Variants in CACNA1C observed in about 807,000 individuals in gnomAD.
CACNA1C encodes calcium voltage-gated channel subunit alpha1 C.
A neutral mutation model predicts 229.0 loss-of-function variants in CACNA1C; 30 were observed. That is an observed-to-expected ratio of 0.13 (90% confidence interval 0.10 to 0.18). The LOEUF (loss-of-function observed/expected upper bound fraction) is 0.18, where lower values mean the gene tolerates loss of function less well. Among genes scored for constraint, CACNA1C ranks in the 10% least tolerant of loss-of-function variants. CACNA1C has a pLI of 1.00. For missense variants in CACNA1C, 1,658 were observed against 2,845.0 expected (o/e 0.58, Z 9.49); for synonymous variants, 1,114 against 1,132.5 (o/e 0.98, Z 0.33).
intron 30 of CACNA1C, among the ~76,000 whole-genome samples, chr12:2,640,391 CTGACT>C (rs975212351): frequency 6.6e-6 from 1 of 152,216 alleles, no homozygotes; most frequent in African/African-American, 2.4e-5. Flanking sequence ...GCGGAGCTGC[CTGACT>C]TGACTTCTCT....
chr12:2,142,075 G>A (rs1026544978), intron 3 of CACNA1C, among the ~76,000 whole-genome samples: 2 of 151,026 alleles, frequency 1.3e-5, no homozygotes, highest in African/African-American at 4.8e-5. Context: ...GGTCTGGTGG[G>A]GGACAGCCAC....
intron 9 of CACNA1C, among the ~76,000 whole-genome samples, chr12:2,530,582 G>A (rs1017904813): frequency 1.3e-5 from 2 of 152,220 alleles, no homozygotes; most frequent in African/African-American, 4.8e-5. Context: ...CTGAATGGCA[G>A]AGAGTGGGTT....
intron 7 of CACNA1C, among the ~76,000 whole-genome samples, chr12:2,502,782 TGCTGAAGCTGCAAAGCC>T (rs1487856934): frequency 2.0e-5 from 3 of 152,236 alleles, no homozygotes; most frequent in Non-Finnish European, 2.9e-5. Flanking sequence ...TGCATGTGGC[TGCTGAAGCTGCAAAGCC>T]CAAGGGCTGA....
At chr12:2,475,436 T>C (rs901774246) in intron 5 of CACNA1C, among the ~76,000 whole-genome samples, 1 of 152,158 alleles carries the variant, frequency 6.6e-6, no homozygotes, top group African/African-American at 2.4e-5. Context: ...GGAATTGAGA[T>C]ATTGGAATTG....
At chr12:2,323,614 G>A (rs1007355926) in intron 3 of CACNA1C, among the ~76,000 whole-genome samples, 3 of 152,088 alleles carry the variant, frequency 2.0e-5, no homozygotes, top group South Asian at 2.1e-4. Flanking sequence ...TGTCCCCTGC[G>A]ACCCTCAAAA....
At chr12:2,592,778 G>A (rs1055976790) in intron 18 of CACNA1C, among the ~76,000 whole-genome samples, 5 of 150,540 alleles carry the variant, frequency 3.3e-5, no homozygotes, top group African/African-American at 9.8e-5. Context: ...TTCCAAGAGT[G>A]AGGTTATTTG....
intron 3 of CACNA1C, among the ~76,000 whole-genome samples, chr12:2,154,943 C>T (rs1169242962): frequency 2.0e-5 from 3 of 152,180 alleles, no homozygotes; most frequent in Admixed American, 6.5e-5. Context: ...TCTCCGGAGC[C>T]GGCTCTGTGC....
chr12:2,113,536 C>A (rs1227166167), intron 1 of CACNA1C, among the ~76,000 whole-genome samples: 3 of 152,138 alleles, frequency 2.0e-5, no homozygotes, highest in Non-Finnish European at 2.9e-5. Flanking sequence ...TGCACATGGA[C>A]CAGAAAAGGC....
rs1355177461 is a variant in CACNA1C at position 2,348,569 on chromosome 12, CAAG to C, written c.478-100402_478-100400del. Among the ~76,000 whole-genome samples the C allele has an allele frequency of 2.0e-5, 3 of 152,146 alleles. No individual in the cohort carries two copies. Among genetic ancestry groups the C allele is most frequent in the Non-Finnish European group, 4.4e-5 (3 of 68,022 alleles). On this transcript the variant is annotated intron_variant, in intron 3 of 46. Coordinates refer to ENST00000399655, the MANE Select transcript of CACNA1C (RefSeq NM_000719.7). The surrounding 1 kb of genome is among the most constrained non-coding windows in gnomAD (Gnocchi z 4.7). ...GGGCAAGGATTTCAAGTCGTCGGCA[CAAG>C]AAGAGACACTATATTAAGGCCTGGT...
At chr12:2,690,688 C>T in intron 46 of CACNA1C, 1 of 532,306 alleles carries the variant, frequency 1.9e-6, no homozygotes, top group Non-Finnish European at 3.3e-6. Flanking sequence ...GCCAAAACTT[C>T]TCTGGCCTGC....
chr12:2,267,452 G>A (rs1031283796), intron 3 of CACNA1C, among the ~76,000 whole-genome samples: 1 of 152,148 alleles, frequency 6.6e-6, no homozygotes, highest in African/African-American at 2.4e-5. Flanking sequence ...CTTGGGAAAA[G>A]GGTGTGGGCA....
At chr12:2,658,803 G>A (rs748829784) in intron 34 of CACNA1C, among the ~76,000 whole-genome samples, 38 of 151,536 alleles carry the variant, frequency 2.5e-4, no homozygotes, top group Non-Finnish European at 1.9e-4. Context: ...CTGACCTTGA[G>A]TAGGCCTAGG....
chr12:2,461,472 G>A (rs549355499), intron 5 of CACNA1C, among the ~76,000 whole-genome samples: 9 of 152,180 alleles, frequency 5.9e-5, no homozygotes, highest in East Asian at 3.9e-4. Context: ...TAGTTATCAC[G>A]TCCAGCCTCC....
intron 1 of CACNA1C, among the ~76,000 whole-genome samples, chr12:2,074,785 C>A (rs1217917749): frequency 6.6e-6 from 1 of 152,132 alleles, no homozygotes; most frequent in Non-Finnish European, 1.5e-5. Flanking sequence ...CCATCCATAC[C>A]CTGAAGCTGT....
At chr12:2,070,421 A>G (rs1384331615) in intron 1 of CACNA1C, among the ~76,000 whole-genome samples, 3 of 152,186 alleles carry the variant, frequency 2.0e-5, no homozygotes, top group Non-Finnish European at 4.4e-5. Flanking sequence ...TTTCTTTCCT[A>G]GTACTGAAGC....
chr12:2,251,791 A>G (rs2075695156), intron 3 of CACNA1C, among the ~76,000 whole-genome samples: 1 of 152,236 alleles, frequency 6.6e-6, no homozygotes, highest in Non-Finnish European at 1.5e-5. Flanking sequence ...TTCGGAAATC[A>G]GAACTGAATG....
In CACNA1C at chr12:2,138,229, T is replaced by C. The variant is rs563443409; in HGVS notation, c.477+17799T>C. Among the ~76,000 whole-genome samples, 19 of 151,432 alleles carry C rather than the reference T, an allele frequency of 1.3e-4. 1 individual carries two copies. The South Asian group carries it at 4.0e-3, about 32-fold the overall frequency. ...GCATCAAGAATAAGGAAGGCCAGGATATCCAGGAGGAGACCTCACGTCTGC... is the reference window on the plus strand; with the variant it reads ...GCATCAAGAATAAGGAAGGCCAGGACATCCAGGAGGAGACCTCACGTCTGC... On this transcript the variant is annotated intron_variant, in intron 3 of 46. Transcript: ENST00000399655.
chr12:2,567,572 C>A lies in CACNA1C; in HGVS notation c.1673C>A (p.Thr558Lys). Residue 558 changes from threonine to lysine, a missense_variant, in exon 13 of 47, where the codon ACG (threonine) becomes AAG (lysine). Transcript: ENST00000399655. ...QPNWLTEVQD[T>K]ANKALLALFT... The stretch of plus-strand genomic sequence containing the variant: ...ATCCCTCTCCTGGGCCTGCCAGACA[C>A]GGCAAACAAGGCCCTGCTGGCCCTG... 1 of 1,580,104 alleles carries A rather than the reference C, an allele frequency of 6.3e-7. No homozygotes were observed. The highest frequency in any genetic ancestry group is 8.6e-7 in the Non-Finnish European group (1 of 1,161,856).
chr12:2,063,208 G>C (rs1460889892), intron 1 of CACNA1C, among the ~76,000 whole-genome samples: 1 of 146,700 alleles, frequency 6.8e-6, no homozygotes, highest in Admixed American at 6.8e-5. Context: ...CTGGAGTGCA[G>C]TGGTACGATC....
Sources: allele counts gnomAD v4.1 joint callset (sites outside exome capture counted in the v4.1 genomes callset), GRCh38; gene constraint gnomAD v4.1.1; non-coding constraint Gnocchi (gnomAD v3.1); transcripts MANE v1.5; gene names NCBI Gene and HGNC (gene_info 2026-07-23, HGNC 2026-07-21).